The following RPGRIP1L variants were observed in gnomAD, a reference collection of about 807,000 sequenced individuals.
The protein encoded by RPGRIP1L is protein fantom.
Under a neutral mutation model 160.4 loss-of-function variants are expected in RPGRIP1L, and 131 were observed. The observed-to-expected ratio is 0.82, with a 90% CI of 0.71 to 0.94. RPGRIP1L has a LOEUF of 0.94. RPGRIP1L is among the 40% of genes least tolerant of loss of function. The probability of loss-of-function intolerance (pLI) is 0.00; values close to 1 mark genes in which losing one functional copy is unlikely to be tolerated. For missense variants in RPGRIP1L, 1,522 were observed against 1,535.8 expected (o/e 0.99, Z 0.15); for synonymous variants, 510 against 515.8 (o/e 0.99, Z 0.15).
At chr16:53,659,953 A>G (rs902416727) in intron 10 of RPGRIP1L, 1 of 152,064 alleles carries the variant, frequency 6.6e-6, no homozygotes, top group Non-Finnish European at 1.5e-5. Flanking sequence ...ATGGACTTGG[A>G]GCTAGTGCTA....
At chr16:53,650,265 T>C (rs897345581) in intron 15 of RPGRIP1L, among the ~76,000 whole-genome samples, 4 of 152,162 alleles carry the variant, frequency 2.6e-5, no homozygotes, top group South Asian at 4.1e-4. Flanking sequence ...TCTAACCTTC[T>C]GCCATGTTGC....
intron 15 of RPGRIP1L, among the ~76,000 whole-genome samples, chr16:53,650,381 T>C (rs1376255539): frequency 2.6e-5 from 4 of 152,116 alleles, no homozygotes; most frequent in Non-Finnish European, 5.9e-5. Context: ...TAAAAATAAG[T>C]CCTAAAAGAA....
intron 6 of RPGRIP1L, among the ~76,000 whole-genome samples, chr16:53,685,225 G>A (rs575867804): frequency 2.0e-5 from 3 of 152,292 alleles, no homozygotes; most frequent in Admixed American, 1.3e-4. Context: ...GTAAGGTTAT[G>A]GAGAAAAAGG....
chr16:53,668,129 C>T (rs943130357), intron 9 of RPGRIP1L, among the ~76,000 whole-genome samples: 1 of 151,620 alleles, frequency 6.6e-6, no homozygotes, highest in African/African-American at 2.4e-5. Flanking sequence ...TTCATATTTA[C>T]ATCAGGATAT....
At chr16:53,625,524 G>T (rs979817670) in intron 22 of RPGRIP1L, among the ~76,000 whole-genome samples, 2 of 150,650 alleles carry the variant, frequency 1.3e-5, no homozygotes, top group South Asian at 2.1e-4. Flanking sequence ...GGGGGTGAGG[G>T]GGGGGCGCCT....
At chr16:53,694,953 A>T (rs551452685) in intron 3 of RPGRIP1L, 1 of 183,226 alleles carries the variant, frequency 5.5e-6, no homozygotes, top group African/African-American at 2.3e-5. Context: ...AAGTAAAACG[A>T]ACTTTCAGGA....
chr16:53,685,215 G>GT (rs1969916543), intron 6 of RPGRIP1L, among the ~76,000 whole-genome samples: 1 of 152,160 alleles, frequency 6.6e-6, no homozygotes, highest in Admixed American at 6.5e-5. Context: ...ACAGATGTTG[G>GT]TAAGGTTATG....
Position 53,648,624 on chromosome 16 carries a change from GCGCACA to G in RPGRIP1L, c.2304+334_2304+339del, listed in dbSNP as rs1432519015. 5.7e-3 allele frequency among the ~76,000 whole-genome samples: 614 copies of G among 106,810 alleles called. 6 individuals are homozygous for G. Among genetic ancestry groups the G allele is most frequent in the African/African-American group, 0.015 (570 of 38,214 alleles). The allele number at this position is 106,810 out of a possible 152,430, so 70.1% of individuals were successfully genotyped here. On this transcript the variant is annotated intron_variant, in intron 16 of 26. Coordinates refer to ENST00000647211, the MANE Select transcript of RPGRIP1L (RefSeq NM_015272.5). ...TATACGTACGCGCGTGCGCGCGCGC[GCGCACA>G]CACACACACACACACACACACACAC...
intron 25 of RPGRIP1L, chr16:53,607,936 A>G (rs1963787605): frequency 1.0e-6 from 1 of 979,642 alleles, no homozygotes; most frequent in South Asian, 4.7e-5. Flanking sequence ...ACACTGCCAA[A>G]ACAAAAAGGC....
At chr16:53,657,694 T>A in intron 12 of RPGRIP1L, 62 bp from the exon 13 acceptor site, 1 of 908,430 alleles carries the variant, frequency 1.1e-6, no homozygotes, top group Non-Finnish European at 1.7e-6. Context: ...TTTTATGAAT[T>A]AATATAGATG....
rs1412609114 is a variant in RPGRIP1L at position 53,641,450 on chromosome 16, T to C, written c.2709A>G (p.Gln903=). The part of the protein sequence containing the change: ...ISGIFELTDH[Q]KHPAGTIHVI... ...CATGGATGGTGCCAGCAGGATGCTT[T>C]TGATGGTCTGTTAACTCAAATATTC... Residue 903 remains glutamine, a synonymous_variant, in exon 18 of 27, where the codon CAA becomes CAG. Transcript: ENST00000647211. 10 of 1,613,846 alleles carry C rather than the reference T, an allele frequency of 6.2e-6. No homozygotes were observed. In the East Asian group the frequency reaches 8.9e-5, roughly 14 times the overall value.
chr16:53,604,390 C>T lies in RPGRIP1L; in HGVS notation c.3835+1091G>A, dbSNP rs915619090. Among the ~76,000 whole-genome samples, 8 of 152,328 alleles carry T rather than the reference C, an allele frequency of 5.3e-5. 1 individual carries two copies. Among genetic ancestry groups the T allele is most frequent in the Admixed American group, 5.2e-4 (8 of 15,300 alleles). On this transcript the variant is annotated intron_variant, in intron 26 of 26. Coordinates refer to ENST00000647211, the MANE Select transcript of RPGRIP1L (RefSeq NM_015272.5). Reference sequence around the variant, plus strand: ...TTGAATGCACAAGTGAATATGTAAACAAGTCATGCACATTTTTCCAAAGAT... The same window carrying T: ...TTGAATGCACAAGTGAATATGTAAATAAGTCATGCACATTTTTCCAAAGAT...
Position 53,641,021 on chromosome 16 carries a change from T to A in RPGRIP1L, c.2958+12A>T, listed in dbSNP as rs1333027964. ...TATGAAAAAATCAGTATTTTCAGTG[T>A]CTACTACTTACATCACTCTGATGTG... On this transcript the variant is annotated intron_variant, in intron 19 of 26. Coordinates refer to ENST00000647211, the MANE Select transcript of RPGRIP1L (RefSeq NM_015272.5). The A allele has an allele frequency of 1.3e-6, 2 of 1,571,580 alleles. No homozygotes were observed. The highest frequency in any genetic ancestry group is 1.1e-5 in the South Asian group (1 of 90,286).
chr16:53,612,745 T>C, intron 24 of RPGRIP1L, among the ~76,000 whole-genome samples: 1 of 152,156 alleles, frequency 6.6e-6, no homozygotes, highest in East Asian at 1.9e-4. Context: ...AAAATACACA[T>C]AACATAAAAT....
intron 14 of RPGRIP1L, among the ~76,000 whole-genome samples, chr16:53,653,919 G>T (rs1222437436): frequency 6.6e-6 from 1 of 151,928 alleles, no homozygotes; most frequent in Non-Finnish European, 1.5e-5. Flanking sequence ...TATGTATCTA[G>T]ATATCCCACA....
chr16:53,647,692 G>A (rs1598315532), intron 16 of RPGRIP1L, among the ~76,000 whole-genome samples: 2 of 152,302 alleles, frequency 1.3e-5, no homozygotes, highest in South Asian at 2.1e-4. Flanking sequence ...AGGTGAAGGA[G>A]TTCCAAATAA....
intron 23 of RPGRIP1L, among the ~76,000 whole-genome samples, chr16:53,619,663 C>T (rs1964591601): frequency 1.3e-5 from 2 of 152,124 alleles, no homozygotes; most frequent in Admixed American, 6.5e-5. Flanking sequence ...AGGTATTATG[C>T]TAATATATGT....
chr16:53,603,765 G>A (rs1287164590), intron 26 of RPGRIP1L, among the ~76,000 whole-genome samples: 3 of 151,666 alleles, frequency 2.0e-5, no homozygotes, highest in Admixed American at 6.6e-5. Context: ...AAAGAGTTAG[G>A]TGCAGAAACT....
chr16:53,686,257 C>G (rs543358330), intron 6 of RPGRIP1L, among the ~76,000 whole-genome samples, 176 bp downstream of exon 6: 18 of 152,270 alleles, frequency 1.2e-4, no homozygotes, highest in Non-Finnish European at 2.2e-4. Flanking sequence ...GGAAAACTGT[C>G]TTTAGACTAG....
Sources: gnomAD v4.1 joint callset for allele counts (sites outside exome capture counted in the v4.1 genomes callset) on GRCh38, gnomAD v4.1.1 for gene constraint, MANE v1.5 for transcripts, NCBI Gene and HGNC (gene_info 2026-07-23, HGNC 2026-07-21) for gene names.